Variants in PRRC2C observed in about 807,000 individuals in gnomAD.
PRRC2C encodes the protein proline rich coiled-coil 2C.
In PRRC2C, 72 loss-of-function variants were observed where a neutral mutation model predicts 317.2. That is an observed-to-expected ratio of 0.23 (90% CI 0.19 to 0.28). The LOEUF (loss-of-function observed/expected upper bound fraction) is 0.28. Among genes scored for constraint, PRRC2C ranks in the 10% least tolerant of loss-of-function variants. The pLI is 1.00. For missense variants in PRRC2C, 3,074 were observed against 3,459.7 expected (o/e 0.89, Z 2.80); for synonymous variants, 1,296 against 1,205.9 (o/e 1.07, Z -1.55).
intron 1 of PRRC2C, among the ~76,000 whole-genome samples, chr1:171,498,314 A>G (rs1430210651): frequency 6.6e-6 from 1 of 152,190 alleles, no homozygotes; most frequent in Non-Finnish European, 1.5e-5. Context: ...AAGGCTGGAA[A>G]GTCCAAGATC....
At chr1:171,560,307 A>G (rs1197477867) in intron 19 of PRRC2C, among the ~76,000 whole-genome samples, 1 of 152,230 alleles carries the variant, frequency 6.6e-6, no homozygotes, top group Admixed American at 6.5e-5. Flanking sequence ...GTTTTTTGTG[A>G]TGGAATCTCC....
chr1:171,518,237 A>G (rs1322990195), intron 6 of PRRC2C, among the ~76,000 whole-genome samples: 1 of 152,212 alleles, frequency 6.6e-6, no homozygotes, highest in African/African-American at 2.4e-5. Flanking sequence ...ACCATACCAC[A>G]GATTTATTTT....
intron 1 of PRRC2C, among the ~76,000 whole-genome samples, chr1:171,489,065 C>T (rs888048891): frequency 6.6e-6 from 1 of 152,094 alleles, no homozygotes; most frequent in African/African-American, 2.4e-5. Flanking sequence ...TAGACTGTTT[C>T]CATGTCCTCA....
chr1:171,534,275 A>G (rs1384046381), intron 12 of PRRC2C, among the ~76,000 whole-genome samples: 1 of 152,178 alleles, frequency 6.6e-6, no homozygotes, highest in Non-Finnish European at 1.5e-5. Context: ...TAGTGGGCTT[A>G]TATTACATAA....
At chr1:171,505,026 A>ATTT (rs56282458) in intron 1 of PRRC2C, among the ~76,000 whole-genome samples, 8 of 136,702 alleles carry the variant, frequency 5.9e-5, no homozygotes, top group African/African-American at 1.3e-4. Flanking sequence ...AAGTATTTCA[A>ATTT]TTTTTTTTTT....
chr1:171,571,051 T>C (rs1468457388), intron 23 of PRRC2C, among the ~76,000 whole-genome samples: 1 of 152,210 alleles, frequency 6.6e-6, no homozygotes, highest in Admixed American at 6.5e-5. Context: ...CACTGCCTTC[T>C]GAGTATACAC....
chr1:171,536,561 GTTC>G (rs1676873623), intron 14 of PRRC2C, among the ~76,000 whole-genome samples: 1 of 152,076 alleles, frequency 6.6e-6, no homozygotes, highest in South Asian at 2.1e-4. Context: ...CTACATTGTT[GTTC>G]TTCTTTAAAG....
Position 171,566,244 on chromosome 1 carries a change from T to C in PRRC2C, c.6129T>C (p.Asn2043=), listed in dbSNP as rs1178615204. 3.7e-6 allele frequency: 6 copies of C among 1,609,780 alleles called. No homozygotes were observed. The highest frequency in any genetic ancestry group is 1.1e-5 in the South Asian group (1 of 89,872). Residue 2043 remains asparagine (N), a synonymous_variant, in exon 21 of 35, where the codon AAT becomes AAC. Coordinates refer to ENST00000647382, the MANE Select transcript of PRRC2C (RefSeq NM_001387844.1). ...GSAPSSEGAK[N]GQESGLEIGT... is the part of the protein sequence containing the mutation. ...TATTCTTTTACTAGGGAGCGAAGAA[T>C]GGTCAAGAAAGTGGACTCGAAATTG...
intron 1 of PRRC2C, among the ~76,000 whole-genome samples, chr1:171,497,962 G>A (rs1015025060): frequency 6.7e-6 from 1 of 148,406 alleles, no homozygotes; most frequent in African/African-American, 2.5e-5. Context: ...CTACAGGCAT[G>A]AGCCACCATA....
intron 24 of PRRC2C, among the ~76,000 whole-genome samples, chr1:171,573,688 T>TTTTG (rs1216472598): frequency 7.0e-6 from 1 of 142,868 alleles, no homozygotes; most frequent in East Asian, 2.0e-4. Context: ...TTTTTTTTTT[T>TTTTG]TTTTTTTTGA....
intron 22 of PRRC2C, among the ~76,000 whole-genome samples, chr1:171,567,353 A>G (rs1049196781): frequency 1.3e-5 from 2 of 151,946 alleles, no homozygotes; most frequent in Non-Finnish European, 2.9e-5. Flanking sequence ...TCATTAAGAC[A>G]AGATATGTTG....
intron 30 of PRRC2C, among the ~76,000 whole-genome samples, chr1:171,586,426 G>A (rs2102875659): frequency 6.6e-6 from 1 of 151,534 alleles, no homozygotes; most frequent in South Asian, 2.1e-4. Flanking sequence ...TGTCATATCA[G>A]CCTCTCAGAA....
chr1:171,539,868 T>G, intron 15 of PRRC2C, 103 bp from the exon 16 acceptor site: 1 of 997,038 alleles, frequency 1.0e-6, no homozygotes, highest in Non-Finnish European at 1.5e-6. Flanking sequence ...CTCATTATGG[T>G]TAAGAGTCAT....
Position 171,587,564 on chromosome 1 carries a change from C to T in PRRC2C, c.7969-84C>T, listed in dbSNP as rs541249918. On this transcript the variant is annotated intron_variant, in intron 31 of 34. Transcript: ENST00000647382. ...AGGTTCTTTGCCCTTTCCTAGATTA[C>T]GTCTTCACGTATAGGACATGTAAAC... 271 of 919,772 alleles carry T rather than the reference C, an allele frequency of 2.9e-4. 2 individuals are homozygous for T. Among genetic ancestry groups the T allele is most frequent in the Middle Eastern group, 2.2e-4 (1 of 4,602 alleles). 57.0% of individuals were successfully genotyped at this position (919,772 alleles called of 1,614,324 possible).
At chr1:171,503,392 C>T (rs1002853035) in intron 1 of PRRC2C, among the ~76,000 whole-genome samples, 2 of 151,992 alleles carry the variant, frequency 1.3e-5, no homozygotes, top group Admixed American at 1.3e-4. Context: ...GGCGTGGTGG[C>T]ACGTGCCTGT....
rs1571994254 is a variant in PRRC2C, at chr1:171,557,605, C to T, written c.5493C>T (p.Thr1831=). Residue 1831 remains threonine (T), a synonymous_variant, in exon 19 of 35, where the codon ACC becomes ACT. Transcript: ENST00000647382. Reference sequence around the variant, plus strand: ...CCTCTACTTCAGCTGCAGCTATAACCTCTTCTTCAGCTCCAGCCTCAGCCC... The same window carrying T: ...CCTCTACTTCAGCTGCAGCTATAACTTCTTCTTCAGCTCCAGCCTCAGCCC... ...VPASTSAAAI[T]SSSAPASAPA... The T allele has an allele frequency of 6.4e-7, 1 of 1,551,690 alleles. No homozygotes were observed. The highest frequency in any genetic ancestry group is 1.4e-5 in the African/African-American group (1 of 73,154).
chr1:171,498,810 CT>C (rs968097369), intron 1 of PRRC2C, among the ~76,000 whole-genome samples: 10 of 152,004 alleles, frequency 6.6e-5, no homozygotes, highest in African/African-American at 2.4e-4. Flanking sequence ...ACTGGGCTTT[CT>C]TTTTTTTGTT....
chr1:171,539,695 A>G (rs11487422), intron 15 of PRRC2C, among the ~76,000 whole-genome samples: 113 of 152,326 alleles, frequency 7.4e-4, no homozygotes, highest in African/African-American at 2.6e-3. Context: ...ATGTTGTAGC[A>G]TATGACACTA....
chr1:171,549,124 A>T (rs1002091118), intron 17 of PRRC2C, among the ~76,000 whole-genome samples: 29 of 152,262 alleles, frequency 1.9e-4, no homozygotes, highest in South Asian at 2.1e-4. Flanking sequence ...ATTAAGAGTC[A>T]TAAGACCAGC....
Sources: allele counts gnomAD v4.1 joint callset (sites outside exome capture counted in the v4.1 genomes callset), GRCh38; gene constraint gnomAD v4.1.1; transcripts MANE v1.5; gene names NCBI Gene and HGNC (gene_info 2026-07-23, HGNC 2026-07-21).